The following CNTN4 variants were observed in gnomAD, a reference collection of about 807,000 sequenced individuals.
The protein encoded by CNTN4 is contactin 4, also known as contactin-4.
A neutral mutation model predicts 122.5 loss-of-function variants in CNTN4; 77 were observed. That is an observed-to-expected ratio of 0.63 (90% CI 0.52 to 0.76). The LOEUF (loss-of-function observed/expected upper bound fraction) is 0.76. Among genes scored for constraint, CNTN4 ranks in the 30% least tolerant of loss-of-function variants. The pLI is 0.00. For missense variants in CNTN4, 1,256 were observed against 1,259.1 expected (o/e 1.00, Z 0.04); for synonymous variants, 512 against 447.0 (o/e 1.15, Z -1.83).
At chr3:2,640,639 A>ATG (rs2082859877) in intron 4 of CNTN4, among the ~76,000 whole-genome samples, 1 of 89,550 alleles carries the variant, frequency 1.1e-5, no homozygotes, top group African/African-American at 6.6e-5. Flanking sequence ...GAGTGTGTGT[A>ATG]TATGTGTGTG....
At chr3:2,947,070 A>G (rs961531986) in intron 13 of CNTN4, among the ~76,000 whole-genome samples, 3 of 152,334 alleles carry the variant, frequency 2.0e-5, no homozygotes, top group African/African-American at 7.2e-5. Context: ...TAGCAAAAAC[A>G]TGAAATCTTC....
Position 2,429,448 on chromosome 3 carries a change from G to A in CNTN4, c.-89+90215G>A, listed in dbSNP as rs978583727. On this transcript the variant is annotated intron_variant, in intron 3 of 24. Transcript: ENST00000418658. ...GCCTGATCGTTCCTCTGGAAGCTTC[G>A]TCTCAGATGGGCACCCGGCCATATG... Among the ~76,000 whole-genome samples, 7 of 152,268 alleles carry A rather than the reference G, an allele frequency of 4.6e-5. No homozygotes were observed. The South Asian group carries it at 1.0e-3, about 23-fold the overall frequency.
intron 4 of CNTN4, among the ~76,000 whole-genome samples, chr3:2,646,113 A>G (rs751562263): frequency 9.9e-5 from 15 of 152,170 alleles, no homozygotes; most frequent in Non-Finnish European, 2.1e-4. Flanking sequence ...CATCCTTAAA[A>G]CCAAAAGAGA....
intron 3 of CNTN4, among the ~76,000 whole-genome samples, chr3:2,539,420 A>G (rs1307906814): frequency 1.3e-5 from 2 of 152,042 alleles, no homozygotes; most frequent in African/African-American, 2.4e-5. Flanking sequence ...TTCTTTTGAG[A>G]CGTGTTTTGG....
At chr3:2,399,370 A>G (rs1432024816) in intron 3 of CNTN4, among the ~76,000 whole-genome samples, 1 of 152,058 alleles carries the variant, frequency 6.6e-6, no homozygotes, top group African/African-American at 2.4e-5. Context: ...TTTCAAGACT[A>G]TGCTTATGAT....
intron 5 of CNTN4, among the ~76,000 whole-genome samples, chr3:2,742,501 C>G (rs185428505): frequency 1.6e-3 from 238 of 152,180 alleles, no homozygotes; most frequent in Admixed American, 2.9e-3. Context: ...CATAAATGCC[C>G]TGACCTTCCC....
intron 2 of CNTN4, among the ~76,000 whole-genome samples, chr3:2,197,681 A>C (rs2037908945): frequency 6.6e-6 from 1 of 152,134 alleles, no homozygotes; most frequent in African/African-American, 2.4e-5. Flanking sequence ...CAGTCTTGTG[A>C]AAAAATGAGA....
chr3:2,456,161 G>C (rs1276837146), intron 3 of CNTN4, among the ~76,000 whole-genome samples: 1 of 151,988 alleles, frequency 6.6e-6, no homozygotes, highest in African/African-American at 2.4e-5. Flanking sequence ...TCCTGAATCT[G>C]AATCTCATGA....
chr3:2,627,933 T>C (rs1380838894), intron 4 of CNTN4, among the ~76,000 whole-genome samples: 1 of 152,258 alleles, frequency 6.6e-6, no homozygotes, highest in African/African-American at 2.4e-5. Flanking sequence ...CGTCAAGTAA[T>C]CACAAAAGTT....
In CNTN4 at chr3:3,040,084, G is replaced by A. The variant is rs751915798; in HGVS notation, c.2211G>A (p.Val737=). The change falls in exon 20 of 25, where the codon GTG becomes GTA. Residue 737 remains valine (V), a synonymous_variant. Coordinates refer to ENST00000418658, the MANE Select transcript of CNTN4 (RefSeq NM_175607.3). The stretch of plus-strand genomic sequence containing the variant: ...ATGGTCGAGGCTTTGGTTATGTGGT[G>A]GCCTTCCGGCCCTACGGTAAAATGA... The part of the protein sequence containing the change: ...LQNGRGFGYV[V]AFRPYGKMIW... 5.6e-6 allele frequency: 9 copies of A among 1,614,052 alleles called. No individual in the cohort carries two copies. In the Admixed American group the frequency reaches 8.3e-5, roughly 15 times the overall value.
At chr3:2,575,335 A>G (rs1000488522) in intron 4 of CNTN4, among the ~76,000 whole-genome samples, 1 of 152,108 alleles carries the variant, frequency 6.6e-6, no homozygotes, top group Non-Finnish European at 1.5e-5. Context: ...AACATGGCGA[A>G]ACCCAGTCTC....
chr3:2,332,479 T>G (rs1406685346), intron 2 of CNTN4, among the ~76,000 whole-genome samples: 1 of 152,086 alleles, frequency 6.6e-6, no homozygotes, highest in Non-Finnish European at 1.5e-5. Context: ...AAACAGAGAC[T>G]TAAGAAGAGT....
intron 14 of CNTN4, among the ~76,000 whole-genome samples, chr3:3,020,006 G>A (rs1574841666): frequency 6.6e-6 from 1 of 152,068 alleles, no homozygotes; most frequent in South Asian, 2.1e-4. Flanking sequence ...AGTACAAAAT[G>A]TGGCCTTATA....
intron 14 of CNTN4, among the ~76,000 whole-genome samples, chr3:3,003,356 G>A (rs1696236238): frequency 1.3e-5 from 2 of 152,086 alleles, no homozygotes; most frequent in Admixed American, 1.3e-4. Context: ...ATCAGCTGAT[G>A]AATGGATAAA....
intron 2 of CNTN4, among the ~76,000 whole-genome samples, chr3:2,259,960 T>C (rs538047117): frequency 2.0e-5 from 3 of 152,202 alleles, no homozygotes; most frequent in Admixed American, 1.3e-4. Flanking sequence ...TGTCACTCTT[T>C]GTTATTTTCA....
chr3:2,395,353 G>T (rs1408888150), intron 3 of CNTN4, among the ~76,000 whole-genome samples: 1 of 152,102 alleles, frequency 6.6e-6, no homozygotes, highest in East Asian at 1.9e-4. Flanking sequence ...TTGGGGGCAG[G>T]ATTTTACAAG....
At chr3:2,715,046 A>G (rs2149360031) in intron 4 of CNTN4, among the ~76,000 whole-genome samples, 1 of 152,274 alleles carries the variant, frequency 6.6e-6, no homozygotes, top group East Asian at 1.9e-4. Context: ...TTCTACATAT[A>G]TCGTGTTTCA....
At chr3:2,957,640 T>C (rs1018722746) in intron 13 of CNTN4, among the ~76,000 whole-genome samples, 4 of 152,176 alleles carry the variant, frequency 2.6e-5, no homozygotes, top group Non-Finnish European at 5.9e-5. Flanking sequence ...TTTCTCATTC[T>C]ATGTCCATGT....
chr3:2,768,599 T>C (rs1055262053), intron 6 of CNTN4, among the ~76,000 whole-genome samples: 17 of 152,302 alleles, frequency 1.1e-4, no homozygotes, highest in African/African-American at 3.8e-4. Flanking sequence ...CTATCTACTT[T>C]ATAATGGCAC....
Sources: gnomAD v4.1 joint callset for allele counts (sites outside exome capture counted in the v4.1 genomes callset) on GRCh38, gnomAD v4.1.1 for gene constraint, MANE v1.5 for transcripts, NCBI Gene and HGNC (gene_info 2026-07-23, HGNC 2026-07-21) for gene names.